Variants in CPM observed in about 807,000 individuals in gnomAD.
CPM encodes the protein carboxypeptidase M.
A neutral mutation model predicts 46.4 loss-of-function variants in CPM; 35 were observed. That is an observed-to-expected ratio of 0.75 (90% CI 0.58 to 1.00). The LOEUF (loss-of-function observed/expected upper bound fraction) is 1.00, where lower values mean the gene tolerates loss of function less well. Ranked by LOEUF, CPM falls within the 50% of genes least tolerant of loss-of-function variation. The pLI is 0.00. For synonymous variants in CPM, 195 were observed against 195.3 expected (o/e 1.00, Z 0.01); for missense variants, 422 against 530.4 (o/e 0.80, Z 2.01).
At chr12:68,847,196 T>TTATATATATATATATGTATATATA (rs1884367537), downstream of CPM, 1 of 92,080 alleles carries the variant, frequency 1.1e-5, no homozygotes, top group Non-Finnish European at 2.1e-5. Flanking sequence ...TGTGTGTACA[T>TTATATATATATATATGTATATATA]TATATATATA....
rs141409749 is a variant in CPM, at chr12:68,947,241, A to G, written c.-3-14401T>C. Among the ~76,000 whole-genome samples, 119 of 152,330 alleles carry G rather than the reference A, an allele frequency of 7.8e-4. 1 individual carries two copies. The South Asian group carries it at 0.01, about 13-fold the overall frequency. On this transcript the variant is annotated intron_variant, in intron 1 of 8. Coordinates refer to the CPM transcript ENST00000546373. ...AAGAAATAGAAAGTCCAGGCAGAGG[A>G]AATAGTATGTTTTATTTTACATAGT...
At chr12:68,864,199 C>T (rs139968285) in intron 7 of CPM, among the ~76,000 whole-genome samples, 126 of 152,322 alleles carry the variant, frequency 8.3e-4, no homozygotes, top group African/African-American at 2.9e-3. Flanking sequence ...AATCCCAGCA[C>T]TCTGGGAGGC....
At chr12:68,927,107 T>G (rs1313498121) in intron 2 of CPM, among the ~76,000 whole-genome samples, 2 of 151,792 alleles carry the variant, frequency 1.3e-5, no homozygotes, top group Non-Finnish European at 2.9e-5. Flanking sequence ...TCAAATGGTA[T>G]TTCTAGTTCT....
chr12:68,908,225 T>C (rs1887433540), intron 2 of CPM, among the ~76,000 whole-genome samples: 1 of 152,226 alleles, frequency 6.6e-6, no homozygotes, highest in Non-Finnish European at 1.5e-5. Context: ...ATCCCTTCTC[T>C]GATTCATTCT....
intron 8 of CPM, among the ~76,000 whole-genome samples, chr12:68,857,677 T>G (rs1885038373): frequency 6.6e-6 from 1 of 152,176 alleles, no homozygotes; most frequent in African/African-American, 2.4e-5. Context: ...TGGTATGTAT[T>G]TTACACATTC....
chr12:68,899,384 T>C (rs916323609), intron 2 of CPM, among the ~76,000 whole-genome samples: 9 of 152,258 alleles, frequency 5.9e-5, no homozygotes, highest in Non-Finnish European at 1.2e-4. Context: ...GAAAGCCAAG[T>C]CACCTCTGTT....
At chr12:68,954,139 G>A (rs1465795263) in intron 1 of CPM, among the ~76,000 whole-genome samples, 1 of 152,150 alleles carries the variant, frequency 6.6e-6, no homozygotes, top group Admixed American at 6.5e-5. Context: ...TGTAGGTGGT[G>A]ATAGAAATGT....
At chr12:68,890,706 T>C (rs1250503001) in intron 2 of CPM, among the ~76,000 whole-genome samples, 4 of 152,254 alleles carry the variant, frequency 2.6e-5, no homozygotes, top group African/African-American at 9.6e-5. Context: ...GCTTTCTTCC[T>C]GGCTATGACT....
chr12:68,842,640 A>G (rs1232525684), intron 5 of CPM: 1 of 286,146 alleles, frequency 3.5e-6, no homozygotes. Context: ...TATTTGGTTA[A>G]TGGTACTAGA....
chr12:68,846,896 G>A (rs960951122), downstream of CPM: 3 of 151,880 alleles, frequency 2.0e-5, no homozygotes, highest in African/African-American at 7.3e-5. Flanking sequence ...ATGAATGGAA[G>A]TTTAATATTC....
chr12:68,882,149 T>C (rs916740444), intron 3 of CPM, among the ~76,000 whole-genome samples: 1 of 151,686 alleles, frequency 6.6e-6, no homozygotes, highest in Non-Finnish European at 1.5e-5. Context: ...AGGTAAATTG[T>C]GTGTTGTGGG....
chr12:68,896,575 A>G (rs1886885075), intron 2 of CPM, among the ~76,000 whole-genome samples: 1 of 152,180 alleles, frequency 6.6e-6, no homozygotes, highest in Non-Finnish European at 1.5e-5. Context: ...TATTGATGGA[A>G]AAGTCCATAG....
chr12:68,946,897 A>C (rs538063548), intron 1 of CPM, among the ~76,000 whole-genome samples: 1 of 152,254 alleles, frequency 6.6e-6, no homozygotes, highest in Non-Finnish European at 1.5e-5. Context: ...AATAGCTCCA[A>C]ATAAAAAAGT....
intron 7 of CPM, among the ~76,000 whole-genome samples, chr12:68,860,579 G>C (rs775218736): frequency 6.6e-6 from 1 of 152,026 alleles, no homozygotes; most frequent in Admixed American, 6.6e-5. Context: ...ACAGGTGTGA[G>C]GCACCACACT....
chr12:68,928,385 G>A (rs1366954178), intron 2 of CPM, among the ~76,000 whole-genome samples: 2 of 152,202 alleles, frequency 1.3e-5, no homozygotes, highest in South Asian at 2.1e-4. Context: ...ATGGATTAAA[G>A]ACTTAAATGT....
In CPM at chr12:68,931,765, AAG is replaced by A. The variant is rs1471850468; in HGVS notation, c.160+911_160+912del. 3.7e-3 allele frequency among the ~76,000 whole-genome samples: 433 copies of A among 117,678 alleles called. 3 individuals carry two copies. Among genetic ancestry groups the A allele is most frequent in the Non-Finnish European group, 5.0e-3 (274 of 55,272 alleles). The allele number at this position is 117,678 out of a possible 152,430, so 77.2% of individuals were successfully genotyped here. ...TGACCAAAAAAAAAAAAAAAAAAAA[AAG>A]AAAGAAAGAAAGAAAGAAAGAAAGA... On this transcript the variant is annotated intron_variant, in intron 2 of 8. Coordinates refer to ENST00000551568, the MANE Select transcript of CPM (RefSeq NM_198320.5).
chr12:68,906,111 T>C (rs1359392450), intron 2 of CPM, among the ~76,000 whole-genome samples: 1 of 152,236 alleles, frequency 6.6e-6, no homozygotes, highest in Non-Finnish European at 1.5e-5. Flanking sequence ...TGTGTGAGCC[T>C]AGTCATTCTC....
In CPM at chr12:68,904,603, T is replaced by C. The variant is rs1887258998; in HGVS notation, c.161-18714A>G. 2.0e-5 allele frequency among the ~76,000 whole-genome samples: 3 copies of C among 152,192 alleles called. 1 individual carries two copies. The South Asian group carries it at 6.2e-4, about 31-fold the overall frequency. ...CTGAGCAACAGAATTGCTAATACCT[T>C]CAGACATGCCCAACTACCATTCAGA... On this transcript the variant is annotated intron_variant, in intron 2 of 8. Coordinates refer to ENST00000551568, the MANE Select transcript of CPM (RefSeq NM_198320.5).
At chr12:68,919,220 T>C (rs976845245) in intron 2 of CPM, among the ~76,000 whole-genome samples, 6 of 152,238 alleles carry the variant, frequency 3.9e-5, no homozygotes, top group Non-Finnish European at 7.3e-5. Flanking sequence ...AAACAGTAAC[T>C]GCTATGTTTT....
Sources: gnomAD v4.1 joint callset for allele counts (sites outside exome capture counted in the v4.1 genomes callset) on GRCh38, gnomAD v4.1.1 for gene constraint, MANE v1.5 for transcripts, NCBI Gene and HGNC (gene_info 2026-07-23, HGNC 2026-07-21) for gene names.